CCAR1: variants seen among roughly 807,000 people sequenced by gnomAD.
CCAR1 encodes the protein cell division cycle and apoptosis regulator protein 1.
Under a neutral mutation model 163.8 loss-of-function variants are expected in CCAR1, and 78 were observed. The ratio of observed to expected loss-of-function variants is 0.48; its 90% CI spans 0.40 to 0.57. The LOEUF is 0.57. CCAR1 is among the 20% of genes least tolerant of loss of function. The probability of loss-of-function intolerance (pLI) is 0.00; values close to 1 mark genes in which losing one functional copy is unlikely to be tolerated. For synonymous variants in CCAR1, 443 were observed against 460.7 expected (o/e 0.96, Z 0.49); for missense variants, 1,019 against 1,365.2 (o/e 0.75, Z 4.00).
intron 23 of CCAR1, 59 bp from the exon 24 acceptor site, chr10:68,789,651 C>G: frequency 9.8e-7 from 1 of 1,024,590 alleles, no homozygotes; most frequent in Non-Finnish European, 1.4e-6. Context: ...ATTTTAACCT[C>G]AAAGTTAAAT....
intron 4 of CCAR1, among the ~76,000 whole-genome samples, chr10:68,739,138 C>G (rs953791627): frequency 6.6e-6 from 1 of 152,130 alleles, no homozygotes; most frequent in African/African-American, 2.4e-5. Flanking sequence ...AAGCATGTCC[C>G]TGGAAAGGAT....
intron 2 of CCAR1, among the ~76,000 whole-genome samples, chr10:68,733,896 T>C (rs1316707228): frequency 2.6e-5 from 4 of 152,134 alleles, no homozygotes. Flanking sequence ...ACTCCTGACC[T>C]CAGGTGATCT....
At chr10:68,755,106 G>A in intron 12 of CCAR1, 2 of 682,016 alleles carry the variant, frequency 2.9e-6, no homozygotes, top group South Asian at 3.1e-5. Context: ...TTTGGATGTT[G>A]TTGAAGTTTG....
At chr10:68,760,974 T>C in intron 15 of CCAR1, 33 bp from the exon 16 acceptor site, 1 of 1,261,942 alleles carries the variant, frequency 7.9e-7, no homozygotes, top group Non-Finnish European at 1.1e-6. Flanking sequence ...GCCACCTTTT[T>C]TTTTTCCGTG....
intron 2 of CCAR1, among the ~76,000 whole-genome samples, chr10:68,733,039 A>G (rs1248312362): frequency 1.3e-5 from 2 of 152,176 alleles, no homozygotes; most frequent in South Asian, 2.1e-4. Flanking sequence ...CCCCACGTCT[A>G]TTTAAATTCA....
chr10:68,746,241 G>C (rs2056252919), intron 6 of CCAR1, among the ~76,000 whole-genome samples: 1 of 149,862 alleles, frequency 6.7e-6, no homozygotes, highest in Non-Finnish European at 1.5e-5. Context: ...AAAGGGTTGG[G>C]ATTACAGGCG....
intron 2 of CCAR1, among the ~76,000 whole-genome samples, chr10:68,731,186 GT>G (rs2133309627): frequency 1.3e-5 from 2 of 152,284 alleles, no homozygotes; most frequent in South Asian, 4.1e-4. Context: ...AATGACACGT[GT>G]TTAGCTATTT....
chr10:68,760,971 T>G, intron 15 of CCAR1, 36 bp from the exon 16 acceptor site: 3 of 990,478 alleles, frequency 3.0e-6, no homozygotes, highest in East Asian at 3.6e-5. Context: ...CCCGCCACCT[T>G]TTTTTTTTCC....
At chr10:68,789,156 A>G (rs1240048912) in intron 23 of CCAR1, among the ~76,000 whole-genome samples, 4 of 151,226 alleles carry the variant, frequency 2.6e-5, no homozygotes, top group African/African-American at 7.3e-5. Context: ...TGATCCGCCC[A>G]CCTCAGCCTC....
chr10:68,754,177 C>G, intron 11 of CCAR1, 100 bp downstream of exon 11: 1 of 752,450 alleles, frequency 1.3e-6, no homozygotes, highest in South Asian at 2.1e-5. Context: ...GTTAGGTAGA[C>G]CCGAATACCT....
rs767509367 is a variant in CCAR1, at chr10:68,754,080, T to C, written c.1344+3T>C. 1.3e-6 allele frequency: 2 copies of C among 1,593,216 alleles called. No individual in the cohort carries two copies. Among genetic ancestry groups the C allele is most frequent in the Middle Eastern group, 3.3e-4 (2 of 6,004 alleles). On this transcript the variant is annotated splice_donor_region_variant and intron_variant, in intron 11 of 24. Coordinates refer to ENST00000265872, the MANE Select transcript of CCAR1 (RefSeq NM_018237.4). ...CTGACCACTTATACAGTGCAAAGGT[T>C]TGTATTCAGCTGTGATATGCAGCTT...
chr10:68,759,576 T>G (rs966141482), intron 15 of CCAR1, among the ~76,000 whole-genome samples: 1 of 151,464 alleles, frequency 6.6e-6, no homozygotes, highest in African/African-American at 2.4e-5. Context: ...AAAAAAAAAT[T>G]AGCTGAGCAT....
intron 2 of CCAR1, among the ~76,000 whole-genome samples, chr10:68,735,200 TAGC>T (rs1424486442): frequency 3.3e-5 from 5 of 151,994 alleles, no homozygotes; most frequent in Admixed American, 2.0e-4. Flanking sequence ...ATTTAAAAAT[TAGC>T]AGGATGTGGT....
chr10:68,746,477 G>T (rs2056257565), intron 6 of CCAR1, among the ~76,000 whole-genome samples: 1 of 152,042 alleles, frequency 6.6e-6, no homozygotes, highest in African/African-American at 2.4e-5. Flanking sequence ...AGCCAGGCTG[G>T]TGTTGAACTC....
intron 4 of CCAR1, among the ~76,000 whole-genome samples, chr10:68,740,240 A>C (rs944953775): frequency 5.9e-5 from 9 of 152,342 alleles, no homozygotes; most frequent in African/African-American, 2.2e-4. Context: ...CAAAAAAATC[A>C]GGTTCTGTAT....
chr10:68,745,908 G>A (rs186618529), intron 6 of CCAR1, among the ~76,000 whole-genome samples: 2 of 152,076 alleles, frequency 1.3e-5, no homozygotes, highest in Admixed American at 6.5e-5. Flanking sequence ...AAGTTATGGC[G>A]TTAGAGGCAT....
At chr10:68,759,965 G>C (rs1006394543) in intron 15 of CCAR1, among the ~76,000 whole-genome samples, 1 of 152,036 alleles carries the variant, frequency 6.6e-6, no homozygotes, top group Non-Finnish European at 1.5e-5. Context: ...CTCTCAAGTA[G>C]CTTGGGCTAA....
At chr10:68,784,915 C>CTTTTTTTTTTTTTTTTTT (rs754185332) in intron 19 of CCAR1, among the ~76,000 whole-genome samples, 1 of 124,764 alleles carries the variant, frequency 8.0e-6, no homozygotes, top group African/African-American at 3.2e-5. Flanking sequence ...GTGAACATAA[C>CTTTTTTTTTTTTTTTTTT]TTTTTTTTTT....
chr10:68,736,418 C>T (rs561779542), intron 2 of CCAR1, among the ~76,000 whole-genome samples: 2 of 152,078 alleles, frequency 1.3e-5, no homozygotes, highest in African/African-American at 2.4e-5. Flanking sequence ...CTGTAGTCAA[C>T]GTGATGTACA....
Sources: allele counts gnomAD v4.1 joint callset (sites outside exome capture counted in the v4.1 genomes callset), GRCh38; gene constraint gnomAD v4.1.1; transcripts MANE v1.5; gene names NCBI Gene and HGNC (gene_info 2026-07-23, HGNC 2026-07-21).